SRMS: variants seen among roughly 807,000 people sequenced by gnomAD.
The protein encoded by SRMS is tyrosine-protein kinase Srms.
SRMS carries 42 observed loss-of-function variants against 43.5 expected under a neutral mutation model. That is an observed-to-expected ratio of 0.97 (90% CI 0.75 to 1.25). SRMS has a LOEUF of 1.25. SRMS is among the 50% of genes most tolerant of loss of function. SRMS has a pLI of 0.00. For synonymous variants in SRMS, 316 were observed against 308.2 expected, an observed-to-expected ratio of 1.03 and a Z score of -0.27; for missense variants, 703 against 681.0, an observed-to-expected ratio of 1.03 and a Z score of -0.36.
chr20:63,547,084 T>C (rs1370927190), intron 1 of SRMS, 24 bp downstream of exon 1: 8 of 1,514,432 alleles, frequency 5.3e-6, no homozygotes, highest in South Asian at 1.3e-5. Flanking sequence ...AGGCAGGCTC[T>C]GACTCCGAGG....
rs1326396332 is a variant in SRMS, at chr20:63,538,693, T to A, written c.*2125A>T. Among the ~76,000 whole-genome samples, 2 of 59,464 alleles carry A rather than the reference T, an allele frequency of 3.4e-5. No individual in the cohort carries two copies. Among genetic ancestry groups the A allele is most frequent in the African/African-American group, 6.5e-5 (1 of 15,418 alleles). 39.0% of individuals were successfully genotyped at this position (59,464 alleles called of 152,430 possible). A position where few individuals can be genotyped will look rare whatever the true frequency, so the allele number is the denominator to read the frequency against. ...CAGGCCCTCCCAGCTCTGTCTGGGG[T>A]CGGTTGGGGAGGATGCAGGGGGAGG... is the stretch of plus-strand genomic sequence containing the variant. On this transcript the variant is annotated 3_prime_UTR_variant, in exon 8 of 8. Transcript: ENST00000217188.
At position 63,541,633 on chromosome 20, in the gene SRMS, G is replaced by C; in HGVS notation, c.947-13C>G. On this transcript the variant is annotated splice_polypyrimidine_tract_variant and intron_variant, in intron 5 of 7. Transcript: ENST00000217188. Reference sequence around the variant, plus strand: ...CGGCCCTCGGGGGCTGCAGGAGACAGCGCGGGGTCTTTTAGGGCACGGGGC... The same window carrying C: ...CGGCCCTCGGGGGCTGCAGGAGACACCGCGGGGTCTTTTAGGGCACGGGGC... 6.6e-7 allele frequency: 1 copy of C among 1,508,176 alleles called. No homozygotes were observed. Among genetic ancestry groups the C allele is most frequent in the South Asian group, 1.2e-5 (1 of 81,004 alleles). The allele number at this position is 1,508,176 out of a possible 1,614,324, so 93.4% of individuals were successfully genotyped here.
Position 63,547,112 on chromosome 20 carries a change from G to A in SRMS, c.352C>T (p.Gln118Ter). The change falls in exon 1 of 8, where the codon CAA becomes TAA. Residue 118 changes from glutamine to a stop codon, truncating the protein, a stop_gained. Coordinates refer to ENST00000217188, the MANE Select transcript of SRMS (RefSeq NM_080823.4). LOFTEE classifies it high-confidence loss of function. ...AKASPETLSDQPWYFSGVSRT... is the reference protein window; with the variant it reads ...AKASPETLSD ...CTCCGAGGCCGAGGTACTCACGGTT[G>A]GTCTGAGAGCGTCTCAGGAGAAGCC... 1.3e-6 allele frequency: 2 copies of A among 1,565,516 alleles called. No homozygotes were observed. The highest frequency in any genetic ancestry group is 1.4e-5 in the African/African-American group (1 of 73,222).
rs2082687163 is a variant in SRMS at position 63,538,824 on chromosome 20, C to T, written c.*1994G>A. On this transcript the variant is annotated 3_prime_UTR_variant, in exon 8 of 8. Transcript: ENST00000217188. ...GCCCGTGAGTCTATGTCCAGGAAGCCTCGAGTATCCCTGAGTTCGGACGTG... is the reference window on the plus strand; with the variant it reads ...GCCCGTGAGTCTATGTCCAGGAAGCTTCGAGTATCCCTGAGTTCGGACGTG... Among the ~76,000 whole-genome samples the T allele has an allele frequency of 1.3e-5, 2 of 152,122 alleles. No individual in the cohort carries two copies. Among genetic ancestry groups the T allele is most frequent in the African/African-American group, 4.8e-5 (2 of 41,426 alleles).
Position 63,540,212 on chromosome 20 carries a change from G to A in SRMS, c.*606C>T, listed in dbSNP as rs1332000206. On this transcript the variant is annotated 3_prime_UTR_variant, in exon 8 of 8. Transcript: ENST00000217188. The stretch of plus-strand genomic sequence containing the variant: ...GTGCACAGGCCGCCAGTGTGTCTGT[G>A]AGGGGCAGGTGACGGTGCCACCCCG... Among the ~76,000 whole-genome samples the A allele has an allele frequency of 6.6e-6, 1 of 152,224 alleles. No individual in the cohort carries two copies. The highest frequency in any genetic ancestry group is 1.5e-5 in the Non-Finnish European group (1 of 68,036).
intron 1 of SRMS, among the ~76,000 whole-genome samples, chr20:63,546,575 G>GC (rs1185185185): frequency 6.9e-6 from 1 of 144,902 alleles, no homozygotes; most frequent in Non-Finnish European, 1.5e-5. Context: ...TGGAGCGTGG[G>GC]CCCGTCTCAG....
intron 3 of SRMS, among the ~76,000 whole-genome samples, chr20:63,542,889 G>A (rs139170157): frequency 6.6e-4 from 100 of 152,288 alleles, no homozygotes; most frequent in Non-Finnish European, 9.6e-4. Flanking sequence ...CCTGGCCCTC[G>A]GCAGGGTGGC....
At chr20:63,544,480 T>C (rs2145985477) in intron 1 of SRMS, 132 bp from the exon 2 acceptor site, 1 of 1,183,818 alleles carries the variant, frequency 8.4e-7, no homozygotes, top group East Asian at 3.2e-5. Context: ...CCCCGTGGAC[T>C]TTGAGTCCCA....
chr20:63,541,066 A>G, intron 7 of SRMS, 67 bp from the exon 8 acceptor site: 1 of 1,593,254 alleles, frequency 6.3e-7, no homozygotes, highest in Non-Finnish European at 8.5e-7. Context: ...GGCCTCCTGT[A>G]GCCCCCCATG....
Position 63,542,357 on chromosome 20 carries a change from G to A in SRMS, c.788-36C>T, listed in dbSNP as rs371550355. The A allele has an allele frequency of 2.0e-4, 321 of 1,597,866 alleles. No individual in the cohort carries two copies. Among genetic ancestry groups the A allele is most frequent in the Middle Eastern group, 3.3e-4 (2 of 6,034 alleles). On this transcript the variant is annotated intron_variant, in intron 4 of 7. Coordinates refer to ENST00000217188, the MANE Select transcript of SRMS (RefSeq NM_080823.4). The stretch of plus-strand genomic sequence containing the variant: ...GGGTGTGGCTCCAGGACCGGCCCAC[G>A]CCACGAACATCACTGCCCTGGGGCT...
In SRMS at chr20:63,542,480, C is replaced by G; in HGVS notation, c.747G>C (p.Trp249Cys). Residue 249 changes from tryptophan (W) to cysteine (C), a missense_variant, in exon 4 of 8, where the codon TGG (tryptophan) becomes TGC (cysteine). Coordinates refer to ENST00000217188, the MANE Select transcript of SRMS (RefSeq NM_080823.4). ...TGATCGCCACGGGCAGGGAGCCCAG[C>G]CACAGGCCTTCCCACACCTCCCCAA... The part of the protein sequence containing the change: ...GYFGEVWEGL[W>C]LGSLPVAIKV... The G allele has an allele frequency of 1.2e-6, 2 of 1,612,658 alleles. No homozygotes were observed. The highest frequency in any genetic ancestry group is 1.7e-6 in the Non-Finnish European group (2 of 1,179,826).
rs2082686852 is a variant in SRMS, at chr20:63,538,748, T to A, written c.*2070A>T. Reference sequence around the variant, plus strand: ...GGGGGTGGGGAATGCGGAAGGAGGGTGCCGGGGCACCTGGCCGGGCAGCGT... The same window carrying A: ...GGGGGTGGGGAATGCGGAAGGAGGGAGCCGGGGCACCTGGCCGGGCAGCGT... On this transcript the variant is annotated 3_prime_UTR_variant, in exon 8 of 8. Transcript: ENST00000217188. Among the ~76,000 whole-genome samples the A allele has an allele frequency of 6.8e-6, 1 of 148,100 alleles. No homozygotes were observed. The highest frequency in any genetic ancestry group is 2.5e-5 in the African/African-American group (1 of 39,996).
rs774933409 is a variant in SRMS, at chr20:63,541,428, C to G, written c.1128+11G>C. 9.4e-6 allele frequency: 15 copies of G among 1,591,460 alleles called. No individual in the cohort carries two copies. The South Asian group carries it at 1.6e-4, about 17-fold the overall frequency. On this transcript the variant is annotated intron_variant, in intron 6 of 7. Coordinates refer to ENST00000217188, the MANE Select transcript of SRMS (RefSeq NM_080823.4). ...CCCCCTCTGGGTCAGGGGCCCAGAGCCTCCGCTGACCTTGAGCAGCCGGGC... is the reference window on the plus strand; with the variant it reads ...CCCCCTCTGGGTCAGGGGCCCAGAGGCTCCGCTGACCTTGAGCAGCCGGGC...
Position 63,538,963 on chromosome 20 carries a change from C to A in SRMS, c.*1855G>T, listed in dbSNP as rs935511986. Among the ~76,000 whole-genome samples, 20 of 152,306 alleles carry A rather than the reference C, an allele frequency of 1.3e-4. No homozygotes were observed. The highest frequency in any genetic ancestry group is 4.8e-4 in the African/African-American group (20 of 41,562). On this transcript the variant is annotated 3_prime_UTR_variant, in exon 8 of 8. Coordinates refer to ENST00000217188, the MANE Select transcript of SRMS (RefSeq NM_080823.4). ...GGCTGGCGAGATGCCTAGGAGGGCA[C>A]AGGTGCCACAGACACACCTGGTCCC...
chr20:63,546,176 C>T (rs984457879), intron 1 of SRMS, among the ~76,000 whole-genome samples: 11 of 152,166 alleles, frequency 7.2e-5, no homozygotes, highest in Non-Finnish European at 1.6e-4. Context: ...GAGCCCCTTC[C>T]CATCACAAAG....
chr20:63,546,645 A>G (rs1225474790), intron 1 of SRMS, among the ~76,000 whole-genome samples: 2 of 119,942 alleles, frequency 1.7e-5, no homozygotes, highest in Non-Finnish European at 3.4e-5. Flanking sequence ...CCCCTGTCTC[A>G]GCCCCCAGCC....
Position 63,540,833 on chromosome 20 carries a change from G to A in SRMS, c.1452C>T (p.His484=), listed in dbSNP as rs1335914409. The change falls in exon 8 of 8, where the codon CAC becomes CAT. Residue 484 remains histidine, a synonymous_variant. Transcript: ENST00000217188. The part of the protein sequence containing the change: ...ATLREKLHAI[H]RCHP ...ACGTGAGGACTCAGGGGTGGCATCT[G>A]TGGATGGCGTGCAGCTTCTCCCGCA... 1 of 1,602,858 alleles carries A rather than the reference G, an allele frequency of 6.2e-7. No individual in the cohort carries two copies. Among genetic ancestry groups the A allele is most frequent in the East Asian group, 2.2e-5 (1 of 44,758 alleles).
At position 63,541,568 on chromosome 20, in the gene SRMS, C is replaced by A. The variant is rs1179836858; in HGVS notation, c.999G>T (p.Gln333His). 6.3e-7 allele frequency: 1 copy of A among 1,579,914 alleles called. No individual in the cohort carries two copies. Among genetic ancestry groups the A allele is most frequent in the South Asian group, 1.1e-5 (1 of 88,090 alleles). The change falls in exon 6 of 8, where the codon CAG becomes CAT. Residue 333 changes from glutamine to histidine, a missense_variant. By Grantham distance (24) the Gln-to-His change is conservative. Coordinates refer to ENST00000217188, the MANE Select transcript of SRMS (RefSeq NM_080823.4). ...CCAGGTAGCTCATGCCCTCAGCCAC[C>A]TGGCAGGCAAAGCCCAGGAGTGGCG... ...RLPPLLGFACQVAEGMSYLEE... is the reference protein window; with the variant it reads ...RLPPLLGFACHVAEGMSYLEE...
chr20:63,541,918 G>A (rs1386649788), intron 5 of SRMS, among the ~76,000 whole-genome samples: 4 of 152,262 alleles, frequency 2.6e-5, no homozygotes, highest in South Asian at 2.1e-4. Flanking sequence ...ATGGGACCGC[G>A]CCCCCCACCG....
Sources: allele counts gnomAD v4.1 joint callset (sites outside exome capture counted in the v4.1 genomes callset), GRCh38; gene constraint gnomAD v4.1.1; transcripts MANE v1.5; gene names NCBI Gene and HGNC (gene_info 2026-07-23, HGNC 2026-07-21).